Variants in TTC7B observed in about 807,000 individuals in gnomAD.
TTC7B encodes the protein tetratricopeptide repeat domain 7B, also known as tetratricopeptide repeat protein 7B.
A neutral mutation model predicts 106.8 loss-of-function variants in TTC7B; 28 were observed. That is an observed-to-expected ratio of 0.26 (90% CI 0.19 to 0.36). TTC7B has a LOEUF of 0.36. Among genes scored for constraint, TTC7B ranks in the 10% least tolerant of loss-of-function variants. The pLI is 1.00. For synonymous variants in TTC7B, 405 were observed against 430.6 expected, an observed-to-expected ratio of 0.94 and a Z score of 0.74; for missense variants, 862 against 1,076.4, an observed-to-expected ratio of 0.80 and a Z score of 2.79.
chr14:90,590,787 T>C (rs1891922036), intron 18 of TTC7B, among the ~76,000 whole-genome samples: 1 of 152,244 alleles, frequency 6.6e-6, no homozygotes, highest in South Asian at 2.1e-4. Context: ...AGTCATTGCT[T>C]TGAAACAGTC....
intron 1 of TTC7B, among the ~76,000 whole-genome samples, chr14:90,792,754 G>C (rs1354835310): frequency 1.3e-5 from 2 of 152,124 alleles, no homozygotes; most frequent in East Asian, 3.8e-4. Flanking sequence ...GTATTGGATG[G>C]GGGTGGGAGA....
At chr14:90,764,045 C>T (rs1890593057) in intron 3 of TTC7B, among the ~76,000 whole-genome samples, 1 of 152,030 alleles carries the variant, frequency 6.6e-6, no homozygotes, top group South Asian at 2.1e-4. Flanking sequence ...AAACACACTC[C>T]CCAAACTCAA....
chr14:90,617,244 T>C (rs781737452), intron 16 of TTC7B, among the ~76,000 whole-genome samples: 2 of 152,206 alleles, frequency 1.3e-5, no homozygotes, highest in Non-Finnish European at 2.9e-5. Context: ...AGACAACTGA[T>C]GTCACCCTGC....
intron 5 of TTC7B, among the ~76,000 whole-genome samples, chr14:90,726,123 C>A: frequency 6.6e-6 from 1 of 152,150 alleles, no homozygotes; most frequent in East Asian, 1.9e-4. Context: ...AGGTAAAAAT[C>A]CAAAATTGAT....
intron 9 of TTC7B, among the ~76,000 whole-genome samples, chr14:90,671,944 G>A (rs960609179): frequency 3.3e-5 from 5 of 152,168 alleles, no homozygotes; most frequent in African/African-American, 1.2e-4. Context: ...TTACCCCTGT[G>A]AGCACAGTTA....
chr14:90,541,491 C>T lies in TTC7B; in HGVS notation c.2409G>A (p.Gly803=). 1 of 1,614,108 alleles carries T rather than the reference C, an allele frequency of 6.2e-7. No individual in the cohort carries two copies. Among genetic ancestry groups the T allele is most frequent in the Non-Finnish European group, 8.5e-7 (1 of 1,179,986 alleles). The change falls in exon 20 of 20, where the codon GGG becomes GGA. Residue 803 remains glycine (G), a synonymous_variant. Transcript: ENST00000328459. The part of the protein sequence containing the change: ...VNSTAHEVWN[G]LGEVLQAQGN... The stretch of plus-strand genomic sequence containing the variant: ...CCTGAGCTTGGAGGACCTCGCCCAG[C>T]CCGTTCCAGACCTCGTGGGCTGTCG...
At chr14:90,792,207 T>C (rs949424688) in intron 1 of TTC7B, among the ~76,000 whole-genome samples, 2 of 152,132 alleles carry the variant, frequency 1.3e-5, no homozygotes, top group African/African-American at 4.8e-5. Flanking sequence ...GGCCTTTGTG[T>C]TTCTCTGATC....
intron 15 of TTC7B, among the ~76,000 whole-genome samples, chr14:90,637,903 A>G (rs989358990): frequency 6.6e-6 from 1 of 152,172 alleles, no homozygotes; most frequent in Non-Finnish European, 1.5e-5. Flanking sequence ...AACAAGCACA[A>G]TTCTTTTTTT....
chr14:90,631,992 G>A (rs1884724409), intron 15 of TTC7B, among the ~76,000 whole-genome samples: 2 of 152,186 alleles, frequency 1.3e-5, no homozygotes, highest in South Asian at 2.1e-4. Context: ...GTTTTGTTAG[G>A]GTTGTGGAAA....
At chr14:90,719,394 A>G (rs576468082) in intron 5 of TTC7B, among the ~76,000 whole-genome samples, 21 of 152,372 alleles carry the variant, frequency 1.4e-4, no homozygotes, top group Middle Eastern at 6.8e-3. Context: ...TATGATAAAA[A>G]TGGCCCCTGA....
chr14:90,570,072 CT>C lies in TTC7B; in HGVS notation c.2310+8033del. 6.6e-6 allele frequency: 1 copy of C among 152,392 alleles called. No individual in the cohort carries two copies. The highest frequency in any genetic ancestry group is 1.5e-5 in the Non-Finnish European group (1 of 68,090). The allele number at this position is 152,392 out of a possible 1,614,324, so 9.4% of individuals were successfully genotyped here. A position where few individuals can be genotyped will look rare whatever the true frequency, so the allele number is the denominator to read the frequency against. On this transcript the variant is annotated intron_variant, in intron 19 of 19. Coordinates refer to ENST00000328459, the MANE Select transcript of TTC7B (RefSeq NM_001010854.2). This position sits in a 1 kb window ranked among gnomAD's most constrained non-coding sequence, Gnocchi z 4.0. The stretch of plus-strand genomic sequence containing the variant: ...CCTCAAGCACAGGCTCTCCTCCAGC[CT>C]TTTCCCATGTTCAGGCCCGGAGTCA...
chr14:90,761,522 A>G (rs1033512944), intron 3 of TTC7B, among the ~76,000 whole-genome samples: 2 of 152,226 alleles, frequency 1.3e-5, no homozygotes, highest in Non-Finnish European at 2.9e-5. Flanking sequence ...GAAAAACTCT[A>G]GCCTCCGAAT....
At chr14:90,737,546 G>GTTTCT in intron 4 of TTC7B, among the ~76,000 whole-genome samples, 1 of 91,750 alleles carries the variant, frequency 1.1e-5, no homozygotes, top group Non-Finnish European at 2.2e-5. Flanking sequence ...GTATGATTCT[G>GTTTCT]TTTTTTTTTT....
chr14:90,662,099 T>A (rs1377900614), intron 9 of TTC7B, among the ~76,000 whole-genome samples: 1 of 152,246 alleles, frequency 6.6e-6, no homozygotes, highest in African/African-American at 2.4e-5. Flanking sequence ...CTTGTCATTC[T>A]GGCTGCCTGT....
At chr14:90,616,039 C>T (rs1379141223) in intron 16 of TTC7B, among the ~76,000 whole-genome samples, 7 of 152,190 alleles carry the variant, frequency 4.6e-5, no homozygotes. Flanking sequence ...TCCAATTCTG[C>T]TATTTTTTTC....
rs1317761432 is a variant in TTC7B at position 90,527,348 on chromosome 14, G to C, written c.*14020C>G. ...ACACTCCAGTGATGAAGCTCCCCAA[G>C]CTTCACTTGACTCTGAGGATCTTCT... On this transcript the variant is annotated 3_prime_UTR_variant, in exon 20 of 20. Transcript: ENST00000328459. 6.6e-6 allele frequency: 1 copy of C among 152,160 alleles called. No homozygotes were observed. The highest frequency in any genetic ancestry group is 2.4e-5 in the African/African-American group (1 of 41,426). The allele number at this position is 152,160 out of a possible 1,614,324, so 9.4% of individuals were successfully genotyped here.
At chr14:90,746,168 C>T (rs1889961539) in intron 3 of TTC7B, among the ~76,000 whole-genome samples, 1 of 152,112 alleles carries the variant, frequency 6.6e-6, no homozygotes, top group Non-Finnish European at 1.5e-5. Flanking sequence ...ATTATTTTGT[C>T]CTTAAATGTT....
At chr14:90,680,407 G>T (rs1887005067) in intron 8 of TTC7B, 65 bp downstream of exon 8, 1 of 1,195,610 alleles carries the variant, frequency 8.4e-7, no homozygotes, top group Non-Finnish European at 1.2e-6. Context: ...CTGGCAGAAT[G>T]GCTATATCAA....
At chr14:90,566,625 G>C (rs921539832) in intron 19 of TTC7B, among the ~76,000 whole-genome samples, 20 of 152,172 alleles carry the variant, frequency 1.3e-4, no homozygotes, top group Admixed American at 1.2e-3. Context: ...ATGAGAAAAC[G>C]GAGGAAGCCA....
Sources: gnomAD v4.1 joint callset for allele counts (sites outside exome capture counted in the v4.1 genomes callset) on GRCh38, gnomAD v4.1.1 for gene constraint, Gnocchi (gnomAD v3.1) non-coding constraint, MANE v1.5 for transcripts, NCBI Gene and HGNC (gene_info 2026-07-23, HGNC 2026-07-21) for gene names.